Variants in C12orf42 observed in about 807,000 individuals in gnomAD.
C12orf42 encodes the protein uncharacterized protein C12orf42.
In C12orf42, 25 loss-of-function variants were observed where a neutral mutation model predicts 21.6. That is an observed-to-expected ratio of 1.16 (90% CI 0.84 to 1.62). C12orf42 has a LOEUF of 1.62. Ranked by LOEUF, C12orf42 falls within the 40% of genes most tolerant of loss-of-function variation. The pLI, the probability that C12orf42 is intolerant of heterozygous loss-of-function variation, is 0.00. For missense variants in C12orf42, 483 were observed against 459.3 expected, an observed-to-expected ratio of 1.05 and a Z score of -0.47; for synonymous variants, 174 against 175.0, an observed-to-expected ratio of 0.99 and a Z score of 0.05.
chr12:103,292,365 G>A (rs555870040), intron 4 of C12orf42, among the ~76,000 whole-genome samples: 1 of 152,018 alleles, frequency 6.6e-6, no homozygotes, highest in Non-Finnish European at 1.5e-5. Context: ...CACTTAAGAT[G>A]GGTGAATTAT....
intron 5 of C12orf42, among the ~76,000 whole-genome samples, chr12:103,274,633 C>A (rs1174035904): frequency 6.6e-6 from 1 of 152,020 alleles, no homozygotes; most frequent in African/African-American, 2.4e-5. Context: ...CTGTTTGTGT[C>A]TGTCTGTCTG....
chr12:103,357,685 A>G lies in C12orf42; in HGVS notation c.259+11202T>C, dbSNP rs117417993. On this transcript the variant is annotated intron_variant, in intron 4 of 5. Coordinates refer to ENST00000548883, the MANE Select transcript of C12orf42 (RefSeq NM_198521.5). ...GAGTCAGTCTTCACCAAAAACTCCAAGTTTCTTTTGTGGATCAGTTTTAAC... is the reference window on the plus strand; with the variant it reads ...GAGTCAGTCTTCACCAAAAACTCCAGGTTTCTTTTGTGGATCAGTTTTAAC... 4.5e-4 allele frequency among the ~76,000 whole-genome samples: 69 copies of G among 152,198 alleles called. 2 individuals are homozygous for G. The East Asian group carries it at 0.012, about 27-fold the overall frequency.
chr12:103,484,613 G>C (rs768849327), intron 1 of C12orf42, among the ~76,000 whole-genome samples: 2 of 152,084 alleles, frequency 1.3e-5, no homozygotes, highest in African/African-American at 2.4e-5. Context: ...TAGGTTACCT[G>C]TTCACTCTGA....
intron 4 of C12orf42, among the ~76,000 whole-genome samples, chr12:103,359,493 T>A (rs1413936006): frequency 6.6e-6 from 1 of 151,166 alleles, no homozygotes; most frequent in Non-Finnish European, 1.5e-5. Context: ...AAAAGGACTA[T>A]GAATATATAT....
the C12orf42 span, among the ~76,000 whole-genome samples, chr12:103,211,890 A>G: frequency 6.6e-6 from 1 of 152,154 alleles, no homozygotes; most frequent in Admixed American, 6.5e-5. Context: ...CTCCCTCAAC[A>G]TTATTGTTTG....
At chr12:103,494,620 G>A (rs1955395402) in intron 1 of C12orf42, among the ~76,000 whole-genome samples, 1 of 151,934 alleles carries the variant, frequency 6.6e-6, no homozygotes, top group Non-Finnish European at 1.5e-5. Context: ...GCAAATCAAA[G>A]AAAGACACCA....
At chr12:103,488,899 C>T (rs1043710885) in intron 1 of C12orf42, among the ~76,000 whole-genome samples, 20 of 152,148 alleles carry the variant, frequency 1.3e-4, no homozygotes, top group African/African-American at 4.8e-4. Context: ...TTTGAACATA[C>T]TCCTTTAGCT....
chr12:103,249,540 C>A (rs1001996930), intron 10 of C12orf42, among the ~76,000 whole-genome samples: 2 of 151,914 alleles, frequency 1.3e-5, no homozygotes, highest in Non-Finnish European at 2.9e-5. Flanking sequence ...TATTGGAAGT[C>A]CTTAGAGTAG....
the C12orf42 span, among the ~76,000 whole-genome samples, chr12:103,230,383 C>A: frequency 1.3e-5 from 2 of 152,142 alleles, no homozygotes; most frequent in South Asian, 4.1e-4. Context: ...TACTCTAGAG[C>A]AAGCTGGCTT....
chr12:103,323,296 T>C (rs1467933276), intron 4 of C12orf42, among the ~76,000 whole-genome samples: 4 of 152,270 alleles, frequency 2.6e-5, no homozygotes. Flanking sequence ...TGCCTCTGTT[T>C]CCCATCAGAA....
chr12:103,132,049 C>T, the C12orf42 span, among the ~76,000 whole-genome samples: 3 of 152,116 alleles, frequency 2.0e-5, no homozygotes, highest in Admixed American at 6.5e-5. Context: ...ATGAGTTAGA[C>T]GTATATGTTT....
the C12orf42 span, among the ~76,000 whole-genome samples, chr12:103,112,031 G>T: frequency 1.3e-5 from 2 of 152,100 alleles, no homozygotes; most frequent in Admixed American, 6.5e-5. Flanking sequence ...TTAGTCTGTG[G>T]TCTTATCTGC....
intron 3 of C12orf42, among the ~76,000 whole-genome samples, chr12:103,370,789 AT>A (rs2045139209): frequency 6.6e-6 from 1 of 152,098 alleles, no homozygotes; most frequent in Non-Finnish European, 1.5e-5. Context: ...TACTATGCTT[AT>A]TACCTGGTGA....
chr12:103,186,211 A>G, the C12orf42 span, among the ~76,000 whole-genome samples: 1 of 152,222 alleles, frequency 6.6e-6, no homozygotes, highest in African/African-American at 2.4e-5. Flanking sequence ...GTCTGTTTTC[A>G]TGGCTATAGG....
chr12:103,491,152 C>G (rs988135870), intron 1 of C12orf42, among the ~76,000 whole-genome samples: 2 of 152,096 alleles, frequency 1.3e-5, no homozygotes, highest in Non-Finnish European at 2.9e-5. Context: ...GGGCTTAGAA[C>G]TTTTTTGGGA....
At chr12:103,215,160 AC>A in the C12orf42 span, among the ~76,000 whole-genome samples, 1 of 151,418 alleles carries the variant, frequency 6.6e-6, no homozygotes, top group Non-Finnish European at 1.5e-5. Flanking sequence ...CATGTCTTGA[AC>A]CCCCATTTGT....
the C12orf42 span, among the ~76,000 whole-genome samples, chr12:103,525,306 A>G: frequency 6.6e-6 from 1 of 152,232 alleles, no homozygotes; most frequent in Admixed American, 6.5e-5. Context: ...GTAGGATTAC[A>G]GACATGAGCC....
chr12:103,143,386 G>A, the C12orf42 span, among the ~76,000 whole-genome samples: 1 of 152,178 alleles, frequency 6.6e-6, no homozygotes, highest in Non-Finnish European at 1.5e-5. Context: ...TCCCTGACTG[G>A]TAGTTTATCT....
chr12:103,542,782 T>A, the C12orf42 span, among the ~76,000 whole-genome samples: 1 of 152,230 alleles, frequency 6.6e-6, no homozygotes, highest in African/African-American at 2.4e-5. Context: ...TGTTTCTCCC[T>A]CCAAATATCA....
Sources: gnomAD v4.1 joint callset for allele counts (sites outside exome capture counted in the v4.1 genomes callset) on GRCh38, gnomAD v4.1.1 for gene constraint, MANE v1.5 for transcripts, NCBI Gene and HGNC (gene_info 2026-07-23, HGNC 2026-07-21) for gene names.